DCAF6: variants seen among roughly 807,000 people sequenced by gnomAD.
DCAF6 encodes the protein DDB1- and CUL4-associated factor 6.
A neutral mutation model predicts 125.1 loss-of-function variants in DCAF6; 54 were observed. The ratio of observed to expected loss-of-function variants is 0.43; its 90% CI spans 0.35 to 0.54. The LOEUF is 0.54. Ranked by LOEUF, DCAF6 falls within the 20% of genes least tolerant of loss-of-function variation. DCAF6 has a pLI of 0.01. For synonymous variants in DCAF6, 371 were observed against 390.4 expected (o/e 0.95, Z 0.58); for missense variants, 934 against 1,161.7 (o/e 0.80, Z 2.85).
chr1:167,939,568 C>T (rs1671910858), intron 1 of DCAF6, among the ~76,000 whole-genome samples: 2 of 152,150 alleles, frequency 1.3e-5, no homozygotes, highest in South Asian at 2.1e-4. Context: ...TTGAGACCGG[C>T]CTGGCCAACA....
At chr1:168,025,398 T>C (rs1258668155) in intron 12 of DCAF6, among the ~76,000 whole-genome samples, 48 of 152,146 alleles carry the variant, frequency 3.2e-4, no homozygotes, top group Non-Finnish European at 2.4e-4. Flanking sequence ...AAGTATGATA[T>C]ACATTTTAGT....
chr1:167,916,267 C>T, the DCAF6 span, among the ~76,000 whole-genome samples: 1 of 152,190 alleles, frequency 6.6e-6, no homozygotes, highest in South Asian at 2.1e-4. Context: ...AGTGCAAAGG[C>T]GCGATCTCAG....
At chr1:167,961,625 T>C (rs1398823910) in intron 2 of DCAF6, among the ~76,000 whole-genome samples, 49 of 152,250 alleles carry the variant, frequency 3.2e-4, no homozygotes, top group Non-Finnish European at 1.5e-5. Context: ...CCAATCTTCA[T>C]ACTTTTCCTT....
intron 3 of DCAF6, among the ~76,000 whole-genome samples, chr1:167,972,012 T>C (rs1677396563): frequency 6.6e-6 from 1 of 152,078 alleles, no homozygotes; most frequent in Non-Finnish European, 1.5e-5. Flanking sequence ...TGCGCCACCA[T>C]ACCCGGCTAA....
intron 1 of DCAF6, among the ~76,000 whole-genome samples, chr1:167,944,588 G>GT (rs759957620): frequency 6.6e-6 from 1 of 152,050 alleles, no homozygotes; most frequent in Non-Finnish European, 1.5e-5. Context: ...TCATATACCT[G>GT]TTGGGTGTAT....
chr1:167,920,544 T>C, the DCAF6 span: 1 of 1,612,632 alleles, frequency 6.2e-7, no homozygotes, highest in Non-Finnish European at 8.5e-7. Flanking sequence ...TTATTTAATT[T>C]ACCTGTAGCC....
chr1:168,073,785 C>T (rs1693431252), intron 21 of DCAF6, among the ~76,000 whole-genome samples: 1 of 151,636 alleles, frequency 6.6e-6, no homozygotes, highest in Non-Finnish European at 1.5e-5. Context: ...AGAATAGCAA[C>T]TTCATGTTTT....
At chr1:167,916,210 ATT>A in the DCAF6 span, among the ~76,000 whole-genome samples, 2 of 118,890 alleles carry the variant, frequency 1.7e-5, no homozygotes, top group Admixed American at 1.7e-4. Flanking sequence ...CAGGATACAT[ATT>A]GTTACTTTTT....
chr1:167,873,881 A>G, the DCAF6 span, among the ~76,000 whole-genome samples: 1 of 152,252 alleles, frequency 6.6e-6, no homozygotes. Context: ...TATTAAATGC[A>G]TAATTGAGAG....
the DCAF6 span, chr1:167,880,089 G>A: frequency 0.096 from 153,230 of 1,598,324 alleles, 12,548 homozygotes; most frequent in African/African-American, 0.44. Context: ...CAGAAAGAAA[G>A]CTGGAGATGA....
the DCAF6 span, among the ~76,000 whole-genome samples, chr1:167,893,640 G>A: frequency 1.2e-4 from 16 of 138,148 alleles, no homozygotes; most frequent in African/African-American, 4.3e-4. Context: ...AGGTTGCAGT[G>A]AGCCAAGATC....
chr1:168,043,091 T>A lies in DCAF6; in HGVS notation c.1794T>A (p.Ser598=), dbSNP rs749923949. Residue 598 remains serine, a synonymous_variant, in exon 14 of 22, where the codon TCT becomes TCA. Transcript: ENST00000367840. Reference sequence around the variant, plus strand: ...GCAAATCTGAGGGTCAGGAGGAATCTTTCGTCCCACAGAGCTCAGTGCAAC... The same window carrying A: ...GCAAATCTGAGGGTCAGGAGGAATCATTCGTCCCACAGAGCTCAGTGCAAC... The part of the protein sequence containing the change: ...SHCKSEGQEE[S]FVPQSSVQPP... The A allele has an allele frequency of 6.2e-7, 1 of 1,613,078 alleles. No homozygotes were observed. Among genetic ancestry groups the A allele is most frequent in the South Asian group, 1.1e-5 (1 of 90,942 alleles).
the DCAF6 span, among the ~76,000 whole-genome samples, chr1:167,869,075 G>A: frequency 3.3e-5 from 5 of 152,172 alleles, no homozygotes; most frequent in Non-Finnish European, 5.9e-5. Flanking sequence ...AGTTAAAGAC[G>A]TAGTTAAAGA....
intron 4 of DCAF6, among the ~76,000 whole-genome samples, chr1:167,985,184 C>CGTGTGTGTGTGTGTGTGT: frequency 6.8e-6 from 1 of 147,042 alleles, no homozygotes; most frequent in African/African-American, 2.5e-5. Flanking sequence ...CAAACCACGT[C>CGTGTGTGTGTGTGTGTGT]GTGTGTGTGT....
At chr1:167,903,825 C>G in the DCAF6 span, 16 of 1,236,202 alleles carry the variant, frequency 1.3e-5, no homozygotes, top group Non-Finnish European at 1.8e-5. Context: ...TTATAATTGA[C>G]AACTACGGAA....
upstream of DCAF6, among the ~76,000 whole-genome samples, chr1:167,935,208 G>A (rs1671064334): frequency 6.6e-6 from 1 of 152,118 alleles, no homozygotes; most frequent in Admixed American, 6.5e-5. Context: ...TGGACCTATG[G>A]GATGAGAAAT....
chr1:167,998,505 A>G lies in DCAF6; in HGVS notation c.904-3977A>G, dbSNP rs192579674. Reference sequence around the variant, plus strand: ...TATTTGTAGCTTGTAACGGTGTTTGATAGCTTCTTACACACAATAGAACTT... The same window carrying G: ...TATTTGTAGCTTGTAACGGTGTTTGGTAGCTTCTTACACACAATAGAACTT... On this transcript the variant is annotated intron_variant, in intron 7 of 21. Coordinates refer to ENST00000367840, the MANE Select transcript of DCAF6 (RefSeq NM_001198956.2). Among the ~76,000 whole-genome samples the G allele has an allele frequency of 3.9e-3, 587 of 152,192 alleles. 9 individuals carry two copies. The highest frequency in any genetic ancestry group is 0.013 in the African/African-American group (536 of 41,526).
At chr1:168,019,415 A>G (rs202255) in intron 11 of DCAF6, 85,321 of 295,520 alleles carry the variant, frequency 0.29, 13,950 homozygotes, top group Admixed American at 0.45. Context: ...AAAGGCCCCC[A>G]TAAGGTTGAT....
At chr1:168,052,819 C>G (rs770697986) in intron 17 of DCAF6, among the ~76,000 whole-genome samples, 6 of 152,116 alleles carry the variant, frequency 3.9e-5, no homozygotes, top group Non-Finnish European at 8.8e-5. Context: ...CACCTCTTAC[C>G]TGGTGTACTG....
Sources: gnomAD v4.1 joint callset for allele counts (sites outside exome capture counted in the v4.1 genomes callset) on GRCh38, gnomAD v4.1.1 for gene constraint, MANE v1.5 for transcripts, NCBI Gene and HGNC (gene_info 2026-07-23, HGNC 2026-07-21) for gene names.